The following THSD4 variants were observed in gnomAD, a reference collection of about 807,000 sequenced individuals.
The protein encoded by THSD4 is thrombospondin type-1 domain-containing protein 4.
THSD4 carries 69 observed loss-of-function variants against 119.0 expected under a neutral mutation model. The observed-to-expected ratio is 0.58, with a 90% CI of 0.48 to 0.71. The LOEUF (loss-of-function observed/expected upper bound fraction) is 0.71. THSD4 is among the 30% of genes least tolerant of loss of function. The probability of loss-of-function intolerance (pLI) is 0.00; values close to 1 mark genes in which losing one functional copy is unlikely to be tolerated. For missense variants in THSD4, 1,393 were observed against 1,391.1 expected, an observed-to-expected ratio of 1.00 and a Z score of -0.02; for synonymous variants, 524 against 540.4, an observed-to-expected ratio of 0.97 and a Z score of 0.42.
chr15:71,105,647 A>G (rs2040271033), intron 1 of THSD4, among the ~76,000 whole-genome samples: 1 of 152,242 alleles, frequency 6.6e-6, no homozygotes, highest in African/African-American at 2.4e-5. Context: ...TCTCTGTGCC[A>G]GGACCACGGA....
At position 71,410,973 on chromosome 15, in the gene THSD4, G is replaced by A. The variant is rs140378833; in HGVS notation, c.1016-714G>A. On this transcript the variant is annotated intron_variant, in intron 6 of 17. Transcript: ENST00000261862. Reference sequence around the variant, plus strand: ...TGAGGCAGGAGAATCACTTGAACCCGGGAGGCGGAGGTTGCTGTGAGCCAA... The same window carrying A: ...TGAGGCAGGAGAATCACTTGAACCCAGGAGGCGGAGGTTGCTGTGAGCCAA... 2.2e-3 allele frequency among the ~76,000 whole-genome samples: 341 copies of A among 152,274 alleles called. 4 individuals are homozygous for A. Among genetic ancestry groups the A allele is most frequent in the African/African-American group, 7.7e-3 (320 of 41,530 alleles).
At chr15:71,606,947 T>C (rs2050121906) in intron 7 of THSD4, among the ~76,000 whole-genome samples, 1 of 152,172 alleles carries the variant, frequency 6.6e-6, no homozygotes, top group African/African-American at 2.4e-5. Context: ...GCTTTAGGGA[T>C]GCATGAGTGG....
chr15:71,568,217 G>A (rs2049278352), intron 7 of THSD4, among the ~76,000 whole-genome samples: 2 of 152,098 alleles, frequency 1.3e-5, no homozygotes, highest in African/African-American at 4.8e-5. Context: ...GGCCCTGACT[G>A]CATGGGAAAA....
intron 9 of THSD4, chr15:71,729,830 C>G (rs1433000240): frequency 6.6e-6 from 1 of 151,920 alleles, no homozygotes; most frequent in East Asian, 1.9e-4. Context: ...CAGCCACAGA[C>G]CGAGAGGAAG....
chr15:71,587,378 G>C (rs1387404246), intron 7 of THSD4, among the ~76,000 whole-genome samples: 1 of 119,042 alleles, frequency 8.4e-6, no homozygotes, highest in Non-Finnish European at 1.9e-5. Flanking sequence ...CAACCCAAAT[G>C]TCCAACAATG....
chr15:71,319,403 C>G (rs1341976279), intron 6 of THSD4, among the ~76,000 whole-genome samples: 1 of 142,146 alleles, frequency 7.0e-6, no homozygotes, highest in Non-Finnish European at 1.5e-5. Context: ...CCCCCTTCCC[C>G]CCACCCCACA....
chr15:71,260,208 G>C (rs2044374243), intron 6 of THSD4, among the ~76,000 whole-genome samples: 1 of 152,086 alleles, frequency 6.6e-6, no homozygotes, highest in South Asian at 2.1e-4. Context: ...CTTATGTATG[G>C]GTCTACTTTT....
chr15:71,345,201 G>C (rs1035062212), intron 6 of THSD4, among the ~76,000 whole-genome samples: 1 of 130,894 alleles, frequency 7.6e-6, no homozygotes, highest in East Asian at 2.3e-4. Context: ...GTGGCGGGGG[G>C]TTGGGGGGGT....
At chr15:71,560,603 G>T (rs1347958353) in intron 7 of THSD4, among the ~76,000 whole-genome samples, 1 of 152,178 alleles carries the variant, frequency 6.6e-6, no homozygotes, top group Admixed American at 6.5e-5. Flanking sequence ...TAAATGTTCT[G>T]TGGAAGCTTG....
At chr15:71,609,756 G>C (rs1048401842) in intron 7 of THSD4, among the ~76,000 whole-genome samples, 1 of 151,110 alleles carries the variant, frequency 6.6e-6, no homozygotes, top group Non-Finnish European at 1.5e-5. Context: ...GGAGGCTGAG[G>C]CAGGAGAATG....
At chr15:71,532,261 G>GGGGAGAGAGAGAGAGAGAGAGAGA (rs2048619665) in intron 7 of THSD4, among the ~76,000 whole-genome samples, 1 of 38,538 alleles carries the variant, frequency 2.6e-5, no homozygotes, top group Non-Finnish European at 7.5e-5. Flanking sequence ...AACAACAAAG[G>GGGGAGAGAGAGAGAGAGAGAGAGA]GTGAGAGAGA....
chr15:71,478,712 G>T (rs2047684265), intron 7 of THSD4, among the ~76,000 whole-genome samples: 1 of 152,170 alleles, frequency 6.6e-6, no homozygotes, highest in African/African-American at 2.4e-5. Context: ...TATGGGATGT[G>T]CAATAATAAA....
At chr15:71,464,891 C>G (rs1395510658) in intron 7 of THSD4, among the ~76,000 whole-genome samples, 1 of 152,160 alleles carries the variant, frequency 6.6e-6, no homozygotes, top group African/African-American at 2.4e-5. Context: ...TACCCCCTCC[C>G]CCTTAAGTCC....
chr15:71,272,854 ACT>A (rs2044548201), intron 6 of THSD4, among the ~76,000 whole-genome samples: 1 of 151,944 alleles, frequency 6.6e-6, no homozygotes, highest in African/African-American at 2.4e-5. Flanking sequence ...ATAGAATGAG[ACT>A]CTGTCTCAAA....
At chr15:71,384,782 G>GT (rs930252543) in intron 6 of THSD4, among the ~76,000 whole-genome samples, 78 of 152,296 alleles carry the variant, frequency 5.1e-4, no homozygotes, top group African/African-American at 1.7e-3. Flanking sequence ...ATTATCTTCA[G>GT]TAAGACTTTG....
chr15:71,195,269 A>C (rs2043709768), intron 3 of THSD4, among the ~76,000 whole-genome samples: 1 of 152,220 alleles, frequency 6.6e-6, no homozygotes, highest in Non-Finnish European at 1.5e-5. Flanking sequence ...AAAATAAGTC[A>C]ATCCTAGGAA....
chr15:71,246,412 G>A (rs1002231345), intron 5 of THSD4, among the ~76,000 whole-genome samples: 1 of 152,128 alleles, frequency 6.6e-6, no homozygotes, highest in African/African-American at 2.4e-5. Context: ...TCAGTCCCAC[G>A]TTAGCTGCGA....
chr15:71,696,225 G>C (rs1179694712), intron 8 of THSD4, among the ~76,000 whole-genome samples: 7 of 152,182 alleles, frequency 4.6e-5, no homozygotes, highest in Non-Finnish European at 4.4e-5. Flanking sequence ...GCATGGCCGT[G>C]GTTTTGGTGA....
chr15:71,765,006 G>T lies in THSD4; in HGVS notation c.2590-14G>T. 6.2e-7 allele frequency: 1 copy of T among 1,605,766 alleles called. No individual in the cohort carries two copies. The highest frequency in any genetic ancestry group is 1.1e-5 in the South Asian group (1 of 89,852). ...CATCATGTGACACTCATCTTTTTCT[G>T]CTTCTTTCTGCAGTGTTCCATCGAG... On this transcript the variant is annotated splice_polypyrimidine_tract_variant and intron_variant, in intron 15 of 17. Coordinates refer to ENST00000261862, the MANE Select transcript of THSD4 (RefSeq NM_024817.3).
Sources: gnomAD v4.1 joint callset for allele counts (sites outside exome capture counted in the v4.1 genomes callset) on GRCh38, gnomAD v4.1.1 for gene constraint, MANE v1.5 for transcripts, NCBI Gene and HGNC (gene_info 2026-07-23, HGNC 2026-07-21) for gene names.